CXADR: variants seen among roughly 807,000 people sequenced by gnomAD.
CXADR encodes coxsackievirus and adenovirus receptor.
In CXADR, 20 loss-of-function variants were observed where a neutral mutation model predicts 40.3. That is an observed-to-expected ratio of 0.50 (90% CI 0.35 to 0.72). The LOEUF is 0.72. CXADR is among the 30% of genes least tolerant of loss of function. CXADR has a pLI of 0.01. For synonymous variants in CXADR, 150 were observed against 161.3 expected, an observed-to-expected ratio of 0.93 and a Z score of 0.53; for missense variants, 332 against 449.1, an observed-to-expected ratio of 0.74 and a Z score of 2.36.
downstream of CXADR, chr21:17,594,241 T>C (rs758454807): frequency 1.2e-6 from 2 of 1,613,368 alleles, no homozygotes; most frequent in East Asian, 2.2e-5. Flanking sequence ...AGGAGGATAG[T>C]GATTCTGATG....
chr21:17,569,643 T>C lies in CXADR; in HGVS notation c.*3951T>C. On this transcript the variant is annotated 3_prime_UTR_variant, in exon 7 of 7. Coordinates refer to ENST00000284878, the MANE Select transcript of CXADR (RefSeq NM_001338.5). Reference sequence around the variant, plus strand: ...ATTTATCTTTAGGGAAGGCTGATCATTTATCTTATAGCAGATAACCCCAGC... The same window carrying C: ...ATTTATCTTTAGGGAAGGCTGATCACTTATCTTATAGCAGATAACCCCAGC... The C allele has an allele frequency of 1.0e-6, 1 of 981,544 alleles. No homozygotes were observed. Among genetic ancestry groups the C allele is most frequent in the Non-Finnish European group, 1.2e-6 (1 of 826,456 alleles). The allele number at this position is 981,544 out of a possible 1,614,324, so 60.8% of individuals were successfully genotyped here.
At chr21:17,587,680 G>A (rs1260487650) in intron 7 of CXADR, among the ~76,000 whole-genome samples, 3 of 152,272 alleles carry the variant, frequency 2.0e-5, no homozygotes, top group Middle Eastern at 6.8e-3. Context: ...CTCCCATTCT[G>A]TAGGTTGCCT....
chr21:17,608,594 C>T, the CXADR span, among the ~76,000 whole-genome samples: 20 of 151,092 alleles, frequency 1.3e-4, no homozygotes, highest in South Asian at 3.4e-3. Context: ...ATGTAATTTA[C>T]TTTTAGATGC....
At chr21:17,522,494 G>A (rs935010465) in intron 1 of CXADR, among the ~76,000 whole-genome samples, 1 of 152,108 alleles carries the variant, frequency 6.6e-6, no homozygotes, top group African/African-American at 2.4e-5. Context: ...TAGCCTGCAT[G>A]TACTGACTGC....
At chr21:17,629,555 C>T in the CXADR span, among the ~76,000 whole-genome samples, 2 of 152,086 alleles carry the variant, frequency 1.3e-5, no homozygotes, top group African/African-American at 4.8e-5. Flanking sequence ...CAGAGTGAGA[C>T]CCTGTCTCAA....
rs61750981 is a variant in CXADR, at chr21:17,551,871, A to G, written c.333A>G (p.Gln111=). 0.01 allele frequency: 16,203 copies of G among 1,613,876 alleles called. 1,273 individuals are homozygous for G. In the African/African-American group the frequency reaches 0.18, roughly 18 times the overall value. Residue 111 remains glutamine, a synonymous_variant, in exon 3 of 7, where the codon CAA becomes CAG. Transcript: ENST00000284878. ...CATCAATAAATGTAACGAATTTACA[A>G]CTGTCAGATATTGGCACATATCAGT... The part of the protein sequence containing the change: ...GDASINVTNL[Q]LSDIGTYQCK...
At chr21:17,541,536 C>T (rs751638914) in intron 1 of CXADR, among the ~76,000 whole-genome samples, 2 of 151,628 alleles carry the variant, frequency 1.3e-5, no homozygotes, top group African/African-American at 2.4e-5. Context: ...CCAGCCCAGG[C>T]GTCAGAGCAA....
chr21:17,542,558 C>T (rs773006046), intron 1 of CXADR, among the ~76,000 whole-genome samples: 1 of 152,114 alleles, frequency 6.6e-6, no homozygotes, highest in Non-Finnish European at 1.5e-5. Context: ...ATAAGAAAAG[C>T]AAGCAGAAAA....
chr21:17,514,134 C>G (rs1285000247), intron 1 of CXADR, among the ~76,000 whole-genome samples: 1 of 152,038 alleles, frequency 6.6e-6, no homozygotes, highest in East Asian at 1.9e-4. Flanking sequence ...GTTTTATAAC[C>G]AAATAATTCA....
the CXADR span, among the ~76,000 whole-genome samples, chr21:17,607,325 A>G: frequency 6.6e-6 from 1 of 152,172 alleles, no homozygotes; most frequent in South Asian, 2.1e-4. Flanking sequence ...GTTAAATCAG[A>G]GTAAAAAGCC....
chr21:17,562,697 A>G (rs2061141012), intron 6 of CXADR, among the ~76,000 whole-genome samples: 1 of 152,258 alleles, frequency 6.6e-6, no homozygotes, highest in South Asian at 2.1e-4. Flanking sequence ...TACTTAGTGT[A>G]GTTACCTTCA....
intron 1 of CXADR, among the ~76,000 whole-genome samples, chr21:17,521,433 C>T (rs1252068887): frequency 6.6e-6 from 1 of 152,192 alleles, no homozygotes; most frequent in Non-Finnish European, 1.5e-5. Context: ...AGCGATTCTC[C>T]TGCCTCAGCG....
At chr21:17,537,303 C>CCGT (rs1020141630) in intron 1 of CXADR, among the ~76,000 whole-genome samples, 12 of 152,190 alleles carry the variant, frequency 7.9e-5, no homozygotes, top group African/African-American at 2.9e-4. Context: ...TGTAAATGTA[C>CCGT]CGTCATTCAT....
At chr21:17,588,334 A>G (rs1434194397) in intron 7 of CXADR, among the ~76,000 whole-genome samples, 1 of 152,104 alleles carries the variant, frequency 6.6e-6, no homozygotes, top group Non-Finnish European at 1.5e-5. Flanking sequence ...CAGTATGGCC[A>G]TTTTCACGAT....
chr21:17,599,281 T>C, the CXADR span, among the ~76,000 whole-genome samples: 1 of 151,636 alleles, frequency 6.6e-6, no homozygotes, highest in East Asian at 1.9e-4. Context: ...GCTCAGGTGA[T>C]CGATCCTCCA....
At chr21:17,529,194 A>G (rs1410721250) in intron 1 of CXADR, among the ~76,000 whole-genome samples, 1 of 151,730 alleles carries the variant, frequency 6.6e-6, no homozygotes, top group African/African-American at 2.4e-5. Context: ...GCCCGCCACC[A>G]TGCCTGGCTA....
chr21:17,565,329 T>A, intron 6 of CXADR, 99 bp from the exon 7 acceptor site: 1 of 1,271,782 alleles, frequency 7.9e-7, no homozygotes. Context: ...ATATGTTTAG[T>A]ACCTAAATAC....
At chr21:17,550,656 A>T (rs1054795533) in intron 2 of CXADR, among the ~76,000 whole-genome samples, 2 of 152,206 alleles carry the variant, frequency 1.3e-5, no homozygotes, top group Non-Finnish European at 2.9e-5. Context: ...ATTAGCAAAA[A>T]AGAAAAATTA....
chr21:17,613,544 C>CT, the CXADR span: 5 of 152,338 alleles, frequency 3.3e-5, no homozygotes, highest in African/African-American at 1.2e-4. Flanking sequence ...CCTGTGGACG[C>CT]TTGTGTGCTG....
Sources: gnomAD v4.1 joint callset for allele counts (sites outside exome capture counted in the v4.1 genomes callset) on GRCh38, gnomAD v4.1.1 for gene constraint, MANE v1.5 for transcripts, NCBI Gene and HGNC (gene_info 2026-07-23, HGNC 2026-07-21) for gene names.